The following FGF12 variants were observed in gnomAD, a reference collection of about 807,000 sequenced individuals.
FGF12 encodes fibroblast growth factor 12B.
Under a neutral mutation model 23.6 loss-of-function variants are expected in FGF12, and 14 were observed. That is an observed-to-expected ratio of 0.59 (90% CI 0.39 to 0.93). FGF12 has a LOEUF of 0.93. FGF12 is among the 40% of genes least tolerant of loss of function. The pLI, the probability that FGF12 is intolerant of heterozygous loss-of-function variation, is 0.00. For missense variants in FGF12, 175 were observed against 217.8 expected, an observed-to-expected ratio of 0.80 and a Z score of 1.24; for synonymous variants, 62 against 77.3, an observed-to-expected ratio of 0.80 and a Z score of 1.04.
chr3:192,222,293 G>GAGACTCTAT (rs1326391530), intron 4 of FGF12, among the ~76,000 whole-genome samples: 1 of 131,220 alleles, frequency 7.6e-6, no homozygotes, highest in Non-Finnish European at 1.7e-5. Context: ...CTCTATTGAA[G>GAGACTCTAT]AGACTCTATT....
chr3:192,376,519 C>T (rs968004129), intron 2 of FGF12, among the ~76,000 whole-genome samples: 2 of 151,964 alleles, frequency 1.3e-5, no homozygotes, highest in African/African-American at 2.4e-5. Context: ...TGTGTCACCA[C>T]GCCCGGCTAA....
At chr3:192,278,465 C>T (rs546589590) in intron 4 of FGF12, among the ~76,000 whole-genome samples, 26 of 152,192 alleles carry the variant, frequency 1.7e-4, no homozygotes, top group South Asian at 1.7e-3. Context: ...CACCTAGGAA[C>T]GTAGAAAGCA....
At chr3:192,623,125 A>C (rs1441818350) in intron 2 of FGF12, among the ~76,000 whole-genome samples, 2 of 152,208 alleles carry the variant, frequency 1.3e-5, no homozygotes, top group Non-Finnish European at 2.9e-5. Flanking sequence ...GTTATGGTAG[A>C]TAAAGATAGA....
At chr3:192,228,263 ATTAT>A (rs1360884295) in intron 4 of FGF12, among the ~76,000 whole-genome samples, 1 of 152,138 alleles carries the variant, frequency 6.6e-6, no homozygotes, top group Non-Finnish European at 1.5e-5. Flanking sequence ...CATATAAAAA[ATTAT>A]TTGTCAATTA....
chr3:192,721,162 A>G (rs79180889), intron 2 of FGF12, among the ~76,000 whole-genome samples: 9,026 of 152,238 alleles, frequency 0.059, 484 homozygotes, highest in East Asian at 0.19. Context: ...AACTACAAAA[A>G]TGGCAGAGGA....
intron 4 of FGF12, among the ~76,000 whole-genome samples, chr3:192,191,698 T>C (rs1245515902): frequency 1.3e-5 from 2 of 151,940 alleles, no homozygotes; most frequent in Non-Finnish European, 2.9e-5. Flanking sequence ...TAGCCGGGCA[T>C]GGTGGCAGGC....
intron 2 of FGF12, among the ~76,000 whole-genome samples, chr3:192,580,981 C>T (rs1713110647): frequency 6.6e-6 from 1 of 152,090 alleles, no homozygotes; most frequent in African/African-American, 2.4e-5. Context: ...TATGAAAAGT[C>T]TTAAAATGTC....
chr3:192,184,627 T>C (rs1015771256), intron 4 of FGF12, among the ~76,000 whole-genome samples: 5 of 152,236 alleles, frequency 3.3e-5, no homozygotes, highest in Admixed American at 2.6e-4. Flanking sequence ...ATAGCCGTAC[T>C]GCTACCTAAT....
intron 2 of FGF12, among the ~76,000 whole-genome samples, chr3:192,660,443 C>T (rs1358894439): frequency 1.9e-4 from 29 of 149,214 alleles, no homozygotes; most frequent in African/African-American, 7.2e-4. Flanking sequence ...CACACCAACA[C>T]GGCACATGTA....
chr3:192,334,342 C>T (rs191953637), intron 4 of FGF12, among the ~76,000 whole-genome samples: 1 of 152,018 alleles, frequency 6.6e-6, no homozygotes, highest in East Asian at 1.9e-4. Context: ...ATTGGAAGAG[C>T]CTAATGAAAA....
intron 2 of FGF12, among the ~76,000 whole-genome samples, chr3:192,439,729 C>A (rs1196874977): frequency 6.6e-6 from 1 of 152,138 alleles, no homozygotes; most frequent in East Asian, 1.9e-4. Context: ...GTAATCCCAG[C>A]ACTTTGGGAG....
intron 2 of FGF12, among the ~76,000 whole-genome samples, chr3:192,668,779 A>G (rs1267647411): frequency 6.6e-6 from 1 of 152,218 alleles, no homozygotes; most frequent in Non-Finnish European, 1.5e-5. Context: ...CCTAAAGCAC[A>G]TGAAAAAGCT....
intron 2 of FGF12, among the ~76,000 whole-genome samples, chr3:192,695,487 C>T (rs183960478): frequency 3.5e-4 from 54 of 152,248 alleles, no homozygotes; most frequent in African/African-American, 1.3e-3. Context: ...ATCACTCATA[C>T]CAGAAACTTT....
intron 4 of FGF12, among the ~76,000 whole-genome samples, chr3:192,223,687 G>A: frequency 6.6e-6 from 1 of 152,026 alleles, no homozygotes; most frequent in East Asian, 1.9e-4. Context: ...GTCTATTACA[G>A]GTATATGCAG....
At chr3:192,302,322 T>C (rs1375178514) in intron 4 of FGF12, among the ~76,000 whole-genome samples, 1 of 152,194 alleles carries the variant, frequency 6.6e-6, no homozygotes, top group African/African-American at 2.4e-5. Flanking sequence ...AATGCTCAAA[T>C]ACATCTGAGT....
At chr3:192,626,083 G>A (rs575662692) in intron 2 of FGF12, among the ~76,000 whole-genome samples, 16 of 152,156 alleles carry the variant, frequency 1.1e-4, no homozygotes, top group South Asian at 2.1e-4. Context: ...ATTTTCTCAC[G>A]GCTGCTATAA....
At chr3:192,379,019 T>C (rs1333071172) in intron 2 of FGF12, among the ~76,000 whole-genome samples, 1 of 152,198 alleles carries the variant, frequency 6.6e-6, no homozygotes, top group Admixed American at 6.5e-5. Flanking sequence ...TATTTGGTTT[T>C]CTGTTCCTGC....
At chr3:192,278,094 A>G (rs1384605589) in intron 4 of FGF12, among the ~76,000 whole-genome samples, 2 of 152,136 alleles carry the variant, frequency 1.3e-5, no homozygotes, top group Non-Finnish European at 2.9e-5. Flanking sequence ...CGCTGTTACC[A>G]ATCAGTCAGC....
chr3:192,274,769 C>T (rs890212687), intron 4 of FGF12, among the ~76,000 whole-genome samples: 17 of 152,248 alleles, frequency 1.1e-4, no homozygotes, highest in East Asian at 5.8e-4. Flanking sequence ...CAGTGTGGCA[C>T]TAAAGAAACA....
Sources: gnomAD v4.1 joint callset for allele counts (sites outside exome capture counted in the v4.1 genomes callset) on GRCh38, gnomAD v4.1.1 for gene constraint, MANE v1.5 for transcripts, NCBI Gene and HGNC (gene_info 2026-07-23, HGNC 2026-07-21) for gene names.